NINJ2: variants seen among roughly 807,000 people sequenced by gnomAD.
NINJ2 encodes the protein ninjurin-2.
In NINJ2, 12 loss-of-function variants were observed where a neutral mutation model predicts 11.7. The ratio of observed to expected loss-of-function variants is 1.02; its 90% CI spans 0.66 to 1.66. The LOEUF is 1.66. Among genes scored for constraint, NINJ2 ranks in the 40% most tolerant of loss-of-function variants. The pLI, the probability that NINJ2 is intolerant of heterozygous loss-of-function variation, is 0.00. For synonymous variants in NINJ2, 93 were observed against 76.8 expected, an observed-to-expected ratio of 1.21 and a Z score of -1.10; for missense variants, 187 against 181.8, an observed-to-expected ratio of 1.03 and a Z score of -0.16.
chr12:656,917 C>T (rs193028285), intron 1 of NINJ2, among the ~76,000 whole-genome samples: 13 of 152,220 alleles, frequency 8.5e-5, no homozygotes, highest in East Asian at 3.9e-4. Context: ...GTCTTTTCAA[C>T]GAATGGTGCC....
At chr12:620,617 AGTTT>A (rs10660948) in intron 1 of NINJ2, among the ~76,000 whole-genome samples, 25,644 of 151,192 alleles carry the variant, frequency 0.17, 2,277 homozygotes, top group South Asian at 0.25. Context: ...GTGGTTTTGA[AGTTT>A]GTTTGTTTGT....
At chr12:663,293 G>C (rs769157873) in intron 1 of NINJ2, 35 bp downstream of exon 1, 1 of 1,596,680 alleles carries the variant, frequency 6.3e-7, no homozygotes, top group Non-Finnish European at 8.6e-7. Context: ...CTCTACTCCC[G>C]GTCTCCCCTC....
At chr12:631,795 G>A (rs10849373) in intron 1 of NINJ2, among the ~76,000 whole-genome samples, 41,723 of 152,056 alleles carry the variant, frequency 0.27, 6,158 homozygotes, top group Middle Eastern at 0.39. Flanking sequence ...AAGAGAGAAA[G>A]GTGAAAAACA....
chr12:625,237 A>G (rs1209182115), intron 1 of NINJ2, among the ~76,000 whole-genome samples: 7 of 152,162 alleles, frequency 4.6e-5, no homozygotes, highest in Non-Finnish European at 7.4e-5. Context: ...AGATGAGGAA[A>G]AGGCATCTAG....
At chr12:566,200 CT>C in intron 1 of NINJ2, 22 bp from the exon 2 acceptor site, 1 of 1,595,798 alleles carries the variant, frequency 6.3e-7, no homozygotes, top group Non-Finnish European at 8.6e-7. Flanking sequence ...AAAGCACAGA[CT>C]TACCAAGGGG....
In NINJ2 at chr12:581,185, G is replaced by C. The variant is rs1035240374; in HGVS notation, c.34-15007C>G. Among the ~76,000 whole-genome samples the C allele has an allele frequency of 2.6e-5, 4 of 152,010 alleles. No individual in the cohort carries two copies. Among genetic ancestry groups the C allele is most frequent in the Non-Finnish European group, 5.9e-5 (4 of 68,000 alleles). ...TGTGTGTGTGTGTGTGTCTGTGTGTGTGTCTGTCTCTGTGTGCGTGTGTGT... is the reference window on the plus strand; with the variant it reads ...TGTGTGTGTGTGTGTGTCTGTGTGTCTGTCTGTCTCTGTGTGCGTGTGTGT... On this transcript the variant is annotated intron_variant, in intron 1 of 3. Coordinates refer to ENST00000305108, the MANE Select transcript of NINJ2 (RefSeq NM_016533.6). The surrounding 1 kb of genome is among the most constrained non-coding windows in gnomAD (Gnocchi z 4.9).
intron 1 of NINJ2, among the ~76,000 whole-genome samples, chr12:627,278 T>C (rs1419724244): frequency 1.3e-5 from 2 of 152,230 alleles, no homozygotes; most frequent in African/African-American, 4.8e-5. Flanking sequence ...TTGAAGCTTC[T>C]TGTTAGAAGA....
chr12:635,860 A>G (rs1293180788), intron 1 of NINJ2, among the ~76,000 whole-genome samples: 1 of 152,194 alleles, frequency 6.6e-6, no homozygotes, highest in African/African-American at 2.4e-5. Context: ...AGATCATCTG[A>G]GGTCAGGAGT....
chr12:641,601 C>T (rs926790537), intron 1 of NINJ2, among the ~76,000 whole-genome samples: 11 of 152,064 alleles, frequency 7.2e-5, no homozygotes, highest in African/African-American at 2.4e-4. Flanking sequence ...AGCCAGCACT[C>T]TGGGAGGCCG....
Position 591,280 on chromosome 12 carries a change from G to A in NINJ2, c.34-25102C>T, listed in dbSNP as rs2120873579. ...GGTGTTGGGGCCCCAGTCCTTAGCA[G>A]GGTTCAAGCAGCGGGTGCCATGCCT... On this transcript the variant is annotated intron_variant, in intron 1 of 3. Transcript: ENST00000305108. This position sits in a 1 kb window ranked among gnomAD's most constrained non-coding sequence, Gnocchi z 5.0. 6.6e-6 allele frequency: 1 copy of A among 152,402 alleles called. No homozygotes were observed. The highest frequency in any genetic ancestry group is 2.1e-4 in the South Asian group (1 of 4,830). 9.4% of individuals were successfully genotyped at this position (152,402 alleles called of 1,614,324 possible).
chr12:657,908 C>A (rs1191553277), intron 1 of NINJ2, among the ~76,000 whole-genome samples: 2 of 151,130 alleles, frequency 1.3e-5, no homozygotes, highest in East Asian at 1.9e-4. Flanking sequence ...CACACTCTTA[C>A]CATATGATCC....
intron 1 of NINJ2, among the ~76,000 whole-genome samples, chr12:646,346 G>A (rs1937683655): frequency 6.6e-6 from 1 of 152,170 alleles, no homozygotes; most frequent in African/African-American, 2.4e-5. Flanking sequence ...AGCTCTGCAG[G>A]GAAGCTCTGT....
chr12:648,676 G>T (rs777932486), intron 1 of NINJ2, among the ~76,000 whole-genome samples: 13 of 152,186 alleles, frequency 8.5e-5, no homozygotes, highest in Non-Finnish European at 1.3e-4. Context: ...TCCCATCAGA[G>T]TTGGACTTCT....
rs528241678 is a variant in NINJ2 at position 651,829 on chromosome 12, G to C, written c.33+11499C>G. ...AAGAATGCCATTGATGGGCTCATTA[G>C]TAGACGGGTCATGGCTAAGGAAAGA... On this transcript the variant is annotated intron_variant, in intron 1 of 3. Coordinates refer to ENST00000305108, the MANE Select transcript of NINJ2 (RefSeq NM_016533.6). Among the ~76,000 whole-genome samples the C allele has an allele frequency of 7.9e-5, 12 of 152,340 alleles. No individual in the cohort carries two copies. The East Asian group carries it at 2.1e-3, about 27-fold the overall frequency.
chr12:639,013 A>G (rs1031796721), intron 1 of NINJ2, among the ~76,000 whole-genome samples: 2 of 152,174 alleles, frequency 1.3e-5, no homozygotes, highest in African/African-American at 4.8e-5. Flanking sequence ...GAGATTTCCA[A>G]TTCATATTAT....
chr12:583,482 G>A (rs4980942), intron 1 of NINJ2, among the ~76,000 whole-genome samples: 40,482 of 152,202 alleles, frequency 0.27, 5,711 homozygotes, highest in Admixed American at 0.36. Context: ...GGCACCTGCC[G>A]CCTCTGGGCC....
At chr12:642,257 G>C (rs902776137) in intron 1 of NINJ2, among the ~76,000 whole-genome samples, 1 of 152,204 alleles carries the variant, frequency 6.6e-6, no homozygotes, top group Admixed American at 6.5e-5. Context: ...TAGTTTGTTT[G>C]TTTGTTTTTG....
chr12:644,463 C>T (rs369562440), intron 1 of NINJ2: 2 of 152,158 alleles, frequency 1.3e-5, no homozygotes, highest in African/African-American at 4.8e-5. Flanking sequence ...TATGAACTTA[C>T]ATCAAAATAA....
chr12:610,816 C>T (rs895809506), intron 1 of NINJ2: 3 of 182,856 alleles, frequency 1.6e-5, no homozygotes, highest in Non-Finnish European at 3.0e-5. Flanking sequence ...TCACTGCAAC[C>T]TCTGCCCTCC....
Sources: allele counts gnomAD v4.1 joint callset (sites outside exome capture counted in the v4.1 genomes callset), GRCh38; gene constraint gnomAD v4.1.1; non-coding constraint Gnocchi (gnomAD v3.1); transcripts MANE v1.5; gene names NCBI Gene and HGNC (gene_info 2026-07-23, HGNC 2026-07-21).